BIVM: variants seen among roughly 807,000 people sequenced by gnomAD.
The protein encoded by BIVM is basic, immunoglobulin-like variable motif containing.
Under a neutral mutation model 61.4 loss-of-function variants are expected in BIVM, and 31 were observed. The ratio of observed to expected loss-of-function variants is 0.51; its 90% CI spans 0.38 to 0.68. The LOEUF (loss-of-function observed/expected upper bound fraction) is 0.68, where lower values mean the gene tolerates loss of function less well. BIVM is among the 30% of genes least tolerant of loss of function. The probability of loss-of-function intolerance (pLI) is 0.00; values close to 1 mark genes in which losing one functional copy is unlikely to be tolerated. For missense variants in BIVM, 526 were observed against 596.0 expected (o/e 0.88, Z 1.22); for synonymous variants, 189 against 210.7 (o/e 0.90, Z 0.89).
intron 7 of BIVM, 151 bp downstream of exon 7, chr13:102,822,310 A>T: frequency 2.9e-6 from 2 of 686,210 alleles, no homozygotes. Context: ...ACTTGCATGT[A>T]ATCTGTAGGG....
chr13:102,838,190 A>G (rs1400270468), intron 9 of BIVM, among the ~76,000 whole-genome samples: 3 of 152,228 alleles, frequency 2.0e-5, no homozygotes, highest in Non-Finnish European at 4.4e-5. Flanking sequence ...TGATTTTCCT[A>G]TGTAGACCTT....
chr13:102,807,983 T>C lies in BIVM; in HGVS notation c.478+238T>C, dbSNP rs74109669. 0.052 allele frequency among the ~76,000 whole-genome samples: 7,958 copies of C among 152,242 alleles called. 227 individuals are homozygous for C. The highest frequency in any genetic ancestry group is 0.099 in the East Asian group (516 of 5,186). On this transcript the variant is annotated intron_variant, in intron 3 of 10. Coordinates refer to ENST00000257336, the MANE Select transcript of BIVM (RefSeq NM_017693.4). The surrounding 1 kb of genome is among the most constrained non-coding windows in gnomAD (Gnocchi z 4.0). ...CTTTGTATCAAATATTTTGAGAGATTTGAAAATCTAATAATGTAAAATATT... is the reference window on the plus strand; with the variant it reads ...CTTTGTATCAAATATTTTGAGAGATCTGAAAATCTAATAATGTAAAATATT...
chr13:102,806,834 C>T (rs1012414573), intron 2 of BIVM, among the ~76,000 whole-genome samples: 8 of 151,336 alleles, frequency 5.3e-5, no homozygotes, highest in African/African-American at 1.7e-4. Flanking sequence ...CACTTGAACC[C>T]GGGAGGCGGA....
At chr13:102,804,208 C>G (rs1038543898) in intron 1 of BIVM, among the ~76,000 whole-genome samples, 1 of 152,184 alleles carries the variant, frequency 6.6e-6, no homozygotes, top group Non-Finnish European at 1.5e-5. Context: ...AGTGCAGTGG[C>G]GCGATCTTGG....
intron 1 of BIVM, among the ~76,000 whole-genome samples, chr13:102,803,361 G>A (rs1339715356): frequency 1.3e-5 from 2 of 151,974 alleles, no homozygotes; most frequent in Non-Finnish European, 2.9e-5. Context: ...AAATTAGCCA[G>A]GCATGGTGGC....
At chr13:102,813,096 T>A (rs1383047114) in intron 3 of BIVM, among the ~76,000 whole-genome samples, 1 of 152,234 alleles carries the variant, frequency 6.6e-6, no homozygotes, top group Non-Finnish European at 1.5e-5. Context: ...GAATAGACTC[T>A]GGAATTCCAA....
chr13:102,821,177 T>C, intron 5 of BIVM, 45 bp downstream of exon 5: 1 of 1,531,012 alleles, frequency 6.5e-7, no homozygotes, highest in Non-Finnish European at 8.8e-7. Flanking sequence ...CAAAGTAATT[T>C]GATGTTGCTT....
At position 102,807,248 on chromosome 13, in the gene BIVM, A is replaced by C; in HGVS notation, c.-20A>C. 6.4e-7 allele frequency: 1 copy of C among 1,556,888 alleles called. No individual in the cohort carries two copies. The highest frequency in any genetic ancestry group is 1.2e-5 in the South Asian group (1 of 82,798). ...AGTTGCAACTTGTTTCTAGTAATAG[A>C]AACTTTTACACTGCATTCAATGCCT... On this transcript the variant is annotated 5_prime_UTR_variant, in exon 3 of 11. Coordinates refer to ENST00000257336, the MANE Select transcript of BIVM (RefSeq NM_017693.4). The surrounding 1 kb of genome is among the most constrained non-coding windows in gnomAD (Gnocchi z 4.0).
intron 3 of BIVM, among the ~76,000 whole-genome samples, chr13:102,814,761 G>C (rs1377912961): frequency 6.6e-6 from 1 of 152,150 alleles, no homozygotes; most frequent in Non-Finnish European, 1.5e-5. Context: ...ATAATTAAAA[G>C]GGTCACGCAT....
At chr13:102,809,207 T>C (rs528323710) in intron 3 of BIVM, among the ~76,000 whole-genome samples, 1 of 152,364 alleles carries the variant, frequency 6.6e-6, no homozygotes, top group African/African-American at 2.4e-5. Flanking sequence ...AATTTTGATA[T>C]GCTTATTATT....
intron 4 of BIVM, among the ~76,000 whole-genome samples, chr13:102,818,746 G>A (rs1347315845): frequency 2.0e-5 from 3 of 152,170 alleles, no homozygotes; most frequent in Non-Finnish European, 4.4e-5. Context: ...ATAGTAGAAT[G>A]TTGGTAAGCA....
intron 1 of BIVM, among the ~76,000 whole-genome samples, chr13:102,801,242 T>TA (rs1195381436): frequency 2.1e-5 from 3 of 142,086 alleles, no homozygotes; most frequent in African/African-American, 8.5e-5. Context: ...TTCTTAGTAG[T>TA]AAATTTTTTT....
chr13:102,839,850 C>G lies in BIVM; in HGVS notation c.1497C>G (p.Tyr499Ter), dbSNP rs202072549. The stretch of plus-strand genomic sequence containing the variant: ...GTGGTTACCAGGGTTACAGTGATTA[C>G]GATGGGAATGATTGACTATGCTTGC... Reference protein sequence around the residue: ...RNSGYQGYSDYDGND With the variant: ...RNSGYQGYSD Residue 499 changes from tyrosine (Y) to a stop codon, truncating the protein, a stop_gained, in exon 11 of 11, where the codon TAC becomes TAG. Coordinates refer to ENST00000257336, the MANE Select transcript of BIVM (RefSeq NM_017693.4). LOFTEE classifies it high-confidence loss of function. 27 of 1,610,920 alleles carry G rather than the reference C, an allele frequency of 1.7e-5. No homozygotes were observed. The Middle Eastern group carries it at 6.6e-4, about 39-fold the overall frequency.
At chr13:102,809,467 T>C (rs1024555875) in intron 3 of BIVM, among the ~76,000 whole-genome samples, 42 of 152,264 alleles carry the variant, frequency 2.8e-4, no homozygotes, top group African/African-American at 9.9e-4. Flanking sequence ...ATGTGCATTC[T>C]GCAGTCATTG....
chr13:102,831,610 C>T lies in BIVM; in HGVS notation c.947C>T (p.Ser316Leu), dbSNP rs754132810. The change falls in exon 8 of 11, where the codon TCG becomes TTG. Residue 316 changes from serine to leucine, a missense_variant. Around this residue, in one of 3 missense-constraint regions of BIVM, gnomAD observed 210 missense variants for 233.1 expected, o/e 0.90. Transcript: ENST00000257336. Reference sequence around the variant, plus strand: ...TTAACCCGTGGATTGAAAGATGAATCGCTGGCTTATATCTATCATTGCCAA... The same window carrying T: ...TTAACCCGTGGATTGAAAGATGAATTGCTGGCTTATATCTATCATTGCCAA... Reference protein sequence around the residue: ...SKLTRGLKDESLAYIYHCQNH... With the variant: ...SKLTRGLKDELLAYIYHCQNH... 61 of 1,613,982 alleles carry T rather than the reference C, an allele frequency of 3.8e-5. No individual in the cohort carries two copies. Among genetic ancestry groups the T allele is most frequent in the Middle Eastern group, 3.3e-4 (2 of 6,084 alleles).
chr13:102,823,675 A>G (rs1880451740), intron 7 of BIVM, among the ~76,000 whole-genome samples: 1 of 152,178 alleles, frequency 6.6e-6, no homozygotes, highest in African/African-American at 2.4e-5. Context: ...GAAAGGATAT[A>G]TTATCCTGTT....
chr13:102,815,873 A>G (rs1470579304), intron 3 of BIVM, among the ~76,000 whole-genome samples: 1 of 152,228 alleles, frequency 6.6e-6, no homozygotes, highest in Non-Finnish European at 1.5e-5. Flanking sequence ...AGTAATGTAT[A>G]TGTGTGCATC....
At chr13:102,822,309 T>A in intron 7 of BIVM, 150 bp downstream of exon 7, 1 of 697,990 alleles carries the variant, frequency 1.4e-6, no homozygotes, top group Non-Finnish European at 2.3e-6. Flanking sequence ...TACTTGCATG[T>A]AATCTGTAGG....
chr13:102,801,364 T>G (rs1191921901), intron 1 of BIVM: 1 of 151,978 alleles, frequency 6.6e-6, no homozygotes, highest in East Asian at 1.9e-4. Context: ...GCCTCCTGAG[T>G]AGCTGGGCCT....
Sources: gnomAD v4.1 joint callset for allele counts (sites outside exome capture counted in the v4.1 genomes callset) on GRCh38, gnomAD v4.1.1 for gene constraint, gnomAD v4.1.1 regional missense constraint, Gnocchi (gnomAD v3.1) non-coding constraint, MANE v1.5 for transcripts, NCBI Gene and HGNC (gene_info 2026-07-23, HGNC 2026-07-21) for gene names.